The following NEDD4L variants were observed in gnomAD, a reference collection of about 807,000 sequenced individuals.
NEDD4L encodes the protein NEDD4 like E3 ubiquitin protein ligase, also known as E3 ubiquitin-protein ligase NEDD4-like.
Under a neutral mutation model 148.9 loss-of-function variants are expected in NEDD4L, and 54 were observed. That is an observed-to-expected ratio of 0.36 (90% CI 0.29 to 0.45). The LOEUF (loss-of-function observed/expected upper bound fraction) is 0.45, where lower values mean the gene tolerates loss of function less well. NEDD4L is among the 20% of genes least tolerant of loss of function. The probability of loss-of-function intolerance (pLI) is 1.00; values close to 1 mark genes in which losing one functional copy is unlikely to be tolerated. For synonymous variants in NEDD4L, 433 were observed against 440.7 expected, an observed-to-expected ratio of 0.98 and a Z score of 0.22; for missense variants, 856 against 1,233.8, an observed-to-expected ratio of 0.69 and a Z score of 4.59.
At chr18:58,234,101 C>CT (rs140891369) in intron 2 of NEDD4L, among the ~76,000 whole-genome samples, 1 of 76,662 alleles carries the variant, frequency 1.3e-5, no homozygotes, top group East Asian at 3.5e-4. Flanking sequence ...TTCTTTCTTT[C>CT]TTTTCTTTTC....
chr18:58,380,288 C>CT (rs1336860681), intron 24 of NEDD4L, among the ~76,000 whole-genome samples: 55 of 138,908 alleles, frequency 4.0e-4, no homozygotes, highest in African/African-American at 1.6e-3. Context: ...ATACTGTTTT[C>CT]TTTTTTATTT....
Position 58,229,360 on chromosome 18 carries a change from A to G in NEDD4L, c.123-16067A>G, listed in dbSNP as rs997736432. Among the ~76,000 whole-genome samples, 3 of 152,086 alleles carry G rather than the reference A, an allele frequency of 2.0e-5. 1 individual carries two copies. Among genetic ancestry groups the G allele is most frequent in the Non-Finnish European group, 4.4e-5 (3 of 68,022 alleles). ...CCGGGACATTAGTTGCTCAGGTTTC[A>G]AACTGCTGCCCCAGCATAGCAGATG... On this transcript the variant is annotated intron_variant, in intron 2 of 30. Transcript: ENST00000400345.
chr18:58,369,159 A>G (rs9963876), intron 22 of NEDD4L, among the ~76,000 whole-genome samples: 79,481 of 152,036 alleles, frequency 0.52, 22,498 homozygotes, highest in African/African-American at 0.76. Flanking sequence ...CTGGAGGCTC[A>G]GGGAATCTTT....
At chr18:58,101,350 G>A (rs2084744049) in intron 1 of NEDD4L, among the ~76,000 whole-genome samples, 1 of 152,178 alleles carries the variant, frequency 6.6e-6, no homozygotes, top group African/African-American at 2.4e-5. Context: ...TGAGGGCGAT[G>A]TCCTCCTCAG....
At chr18:58,247,604 T>C (rs973901928) in intron 3 of NEDD4L, 1 of 152,408 alleles carries the variant, frequency 6.6e-6, no homozygotes, top group Admixed American at 6.5e-5. Context: ...TTGCCCTCCT[T>C]CTCCTGCTGC....
In NEDD4L at chr18:58,117,820, T is replaced by C. The variant is rs569670235; in HGVS notation, c.49-47968T>C. On this transcript the variant is annotated intron_variant, in intron 1 of 30. Transcript: ENST00000400345. ...TGCCACAGTGTCTTTGTAGTCACAC[T>C]ACACACCTATATACTCCATGACATG... 3.3e-5 allele frequency among the ~76,000 whole-genome samples: 5 copies of C among 152,300 alleles called. No individual in the cohort carries two copies. In the South Asian group the frequency reaches 1.0e-3, roughly 32 times the overall value.
At chr18:58,201,070 C>T (rs1019416395) in intron 2 of NEDD4L, among the ~76,000 whole-genome samples, 1 of 152,208 alleles carries the variant, frequency 6.6e-6, no homozygotes, top group Non-Finnish European at 1.5e-5. Context: ...CATTGGCTCA[C>T]GCCTGTAATC....
intron 2 of NEDD4L, among the ~76,000 whole-genome samples, chr18:58,183,169 G>T (rs1296091457): frequency 6.6e-6 from 1 of 152,186 alleles, no homozygotes; most frequent in Non-Finnish European, 1.5e-5. Context: ...CTGGGAGGAG[G>T]GTGCTAAGTG....
chr18:58,127,534 C>T (rs964713151), intron 1 of NEDD4L, among the ~76,000 whole-genome samples: 1 of 151,332 alleles, frequency 6.6e-6, no homozygotes, highest in East Asian at 2.0e-4. Context: ...CGAAACCTCA[C>T]CTTTATTTAA....
intron 1 of NEDD4L, among the ~76,000 whole-genome samples, chr18:58,092,510 C>T (rs2084132718): frequency 6.6e-6 from 1 of 152,016 alleles, no homozygotes; most frequent in Non-Finnish European, 1.5e-5. Flanking sequence ...CTAGGCAGGG[C>T]ATTTCTGATG....
chr18:58,187,128 C>T (rs2039564015), intron 2 of NEDD4L, among the ~76,000 whole-genome samples: 1 of 152,190 alleles, frequency 6.6e-6, no homozygotes, highest in African/African-American at 2.4e-5. Context: ...ACAGGCTTTT[C>T]AAGACCCCAC....
At chr18:58,388,909 A>G (rs1215611579) in intron 27 of NEDD4L, 176 bp from the exon 28 acceptor site, 1 of 624,300 alleles carries the variant, frequency 1.6e-6, no homozygotes, top group African/African-American at 1.8e-5. Context: ...TGCCTCTGTG[A>G]TCTGCTATGG....
chr18:58,101,537 G>A (rs1008028975), intron 1 of NEDD4L, among the ~76,000 whole-genome samples: 4 of 152,084 alleles, frequency 2.6e-5, no homozygotes, highest in South Asian at 2.1e-4. Flanking sequence ...TCTCGGTTCC[G>A]TCCGTGTCGA....
At chr18:58,154,147 G>C (rs971590844) in intron 1 of NEDD4L, among the ~76,000 whole-genome samples, 4 of 152,190 alleles carry the variant, frequency 2.6e-5, no homozygotes, top group African/African-American at 9.7e-5. Context: ...TGACATGGGC[G>C]TTTAAAAAGT....
chr18:58,142,040 CTTTTTT>C (rs552184742), intron 1 of NEDD4L, among the ~76,000 whole-genome samples: 7 of 41,864 alleles, frequency 1.7e-4, no homozygotes, highest in Admixed American at 3.5e-4. Context: ...AAATTTCTTT[CTTTTTT>C]TTTTTTTTTT....
At chr18:58,375,402 A>C (rs1444333288) in intron 24 of NEDD4L, among the ~76,000 whole-genome samples, 2 of 152,016 alleles carry the variant, frequency 1.3e-5, no homozygotes, top group African/African-American at 4.8e-5. Flanking sequence ...TGCAGCCCTG[A>C]AAATGTCCTT....
intron 2 of NEDD4L, among the ~76,000 whole-genome samples, chr18:58,194,908 G>A (rs376897471): frequency 9.1e-4 from 139 of 152,274 alleles, no homozygotes; most frequent in African/African-American, 8.2e-4. Context: ...CGTGAAAGAG[G>A]TTTCAAGGCT....
intron 1 of NEDD4L, among the ~76,000 whole-genome samples, chr18:58,148,673 C>T (rs764816142): frequency 2.0e-5 from 3 of 152,202 alleles, no homozygotes; most frequent in African/African-American, 7.2e-5. Flanking sequence ...GATTAGGGCC[C>T]ACCCGTGTGA....
intron 24 of NEDD4L, among the ~76,000 whole-genome samples, chr18:58,382,428 G>A (rs1343823345): frequency 6.6e-6 from 1 of 152,202 alleles, no homozygotes; most frequent in Admixed American, 6.5e-5. Context: ...GATTTAGAGG[G>A]AACCCCACCA....
Sources: allele counts gnomAD v4.1 joint callset (sites outside exome capture counted in the v4.1 genomes callset), GRCh38; gene constraint gnomAD v4.1.1; transcripts MANE v1.5; gene names NCBI Gene and HGNC (gene_info 2026-07-23, HGNC 2026-07-21).